Variants in ACVR1C observed in about 807,000 individuals in gnomAD.
ACVR1C encodes the protein activin receptor type-1C.
In ACVR1C, 23 loss-of-function variants were observed where a neutral mutation model predicts 57.9. That is an observed-to-expected ratio of 0.40 (90% CI 0.29 to 0.56). The LOEUF is 0.56. Among genes scored for constraint, ACVR1C ranks in the 20% least tolerant of loss-of-function variants. The pLI is 0.50. For missense variants in ACVR1C, 480 were observed against 607.9 expected (o/e 0.79, Z 2.21); for synonymous variants, 214 against 215.3 (o/e 0.99, Z 0.05).
At chr2:157,585,491 C>T (rs145988396) in intron 2 of ACVR1C, among the ~76,000 whole-genome samples, 5 of 152,206 alleles carry the variant, frequency 3.3e-5, no homozygotes, top group African/African-American at 4.8e-5. Flanking sequence ...GCATTAGGTA[C>T]GCTTGATTTG....
chr2:157,597,557 C>A, intron 1 of ACVR1C: 2 of 985,478 alleles, frequency 2.0e-6, no homozygotes, highest in South Asian at 9.4e-5. Context: ...GACGGCAGCG[C>A]AACCCCCAGG....
At chr2:157,588,562 G>C (rs1688981636) in intron 1 of ACVR1C, among the ~76,000 whole-genome samples, 1 of 151,538 alleles carries the variant, frequency 6.6e-6, no homozygotes, top group Non-Finnish European at 1.5e-5. Context: ...GTACTCAATA[G>C]ATAATTTTTC....
chr2:157,562,071 C>T (rs60984757), intron 2 of ACVR1C, among the ~76,000 whole-genome samples: 9,663 of 151,926 alleles, frequency 0.064, 460 homozygotes, highest in East Asian at 0.24. Flanking sequence ...CCGAGGTGGG[C>T]GGATCATGAG....
At chr2:157,587,710 G>A (rs1558988415) in intron 1 of ACVR1C, among the ~76,000 whole-genome samples, 1 of 152,052 alleles carries the variant, frequency 6.6e-6, no homozygotes, top group East Asian at 1.9e-4. Flanking sequence ...AGTTCAACCA[G>A]CTCATTCCTA....
At chr2:157,623,059 A>G (rs1682817948) in intron 1 of ACVR1C, among the ~76,000 whole-genome samples, 2 of 152,200 alleles carry the variant, frequency 1.3e-5, no homozygotes, top group Admixed American at 1.3e-4. Flanking sequence ...CTACAATGAT[A>G]TCATCTCACC....
intron 1 of ACVR1C, among the ~76,000 whole-genome samples, chr2:157,621,253 A>G (rs929610534): frequency 5.9e-5 from 9 of 152,136 alleles, no homozygotes; most frequent in South Asian, 2.1e-4. Flanking sequence ...ATTCTAGAGG[A>G]AAAAAAGTGA....
intron 3 of ACVR1C, among the ~76,000 whole-genome samples, chr2:157,552,385 G>A (rs575587543): frequency 3.9e-5 from 6 of 152,196 alleles, no homozygotes; most frequent in Non-Finnish European, 7.4e-5. Context: ...CACCTGCCTC[G>A]GCCTCCCAAA....
At chr2:157,544,064 G>A (rs1462876409) in intron 5 of ACVR1C, among the ~76,000 whole-genome samples, 3 of 144,174 alleles carry the variant, frequency 2.1e-5, no homozygotes, top group African/African-American at 5.1e-5. Flanking sequence ...TTTGAGACAG[G>A]GTCTCGTTCT....
intron 3 of ACVR1C, among the ~76,000 whole-genome samples, chr2:157,551,495 TTATAAA>T (rs779242700): frequency 2.9e-4 from 44 of 152,334 alleles, no homozygotes; most frequent in African/African-American, 9.6e-4. Flanking sequence ...CATTTTATTC[TTATAAA>T]TATAAGTGTA....
Position 157,555,101 on chromosome 2 carries a change from C to CTTTTTTT in ACVR1C, c.544+985_544+991dup, listed in dbSNP as rs60269781. 2.7e-4 allele frequency among the ~76,000 whole-genome samples: 23 copies of CTTTTTTT among 83,948 alleles called. 4 individuals carry two copies. Among genetic ancestry groups the CTTTTTTT allele is most frequent in the African/African-American group, 1.1e-3 (19 of 16,856 alleles). 55.1% of individuals were successfully genotyped at this position (83,948 alleles called of 152,430 possible). A position where few individuals can be genotyped will look rare whatever the true frequency, so the allele number is the denominator to read the frequency against. ...ATAATACAGCCTGGTACTTTGAACG[C>CTTTTTTT]TTTTTTTTTTTTTTTTTTTTTTTTT... On this transcript the variant is annotated intron_variant, in intron 3 of 8. Transcript: ENST00000243349.
chr2:157,597,615 C>T, intron 1 of ACVR1C: 1 of 972,872 alleles, frequency 1.0e-6, no homozygotes, highest in Non-Finnish European at 1.2e-6. Context: ...CATCTAGTGG[C>T]AGCAGAAGCA....
chr2:157,545,078 AT>A (rs1687718696), intron 4 of ACVR1C, among the ~76,000 whole-genome samples: 1 of 152,212 alleles, frequency 6.6e-6, no homozygotes, highest in Admixed American at 6.5e-5. Flanking sequence ...AAAAATGTTG[AT>A]GTTATTCACC....
At chr2:157,582,344 G>A (rs12992758) in intron 2 of ACVR1C, among the ~76,000 whole-genome samples, 69,949 of 151,772 alleles carry the variant, frequency 0.46, 17,506 homozygotes, top group African/African-American at 0.66. Context: ...TAAATGTTCC[G>A]TAGCATTTCT....
chr2:157,574,846 G>T (rs1688605377), intron 2 of ACVR1C, among the ~76,000 whole-genome samples: 1 of 152,194 alleles, frequency 6.6e-6, no homozygotes, highest in Admixed American at 6.5e-5. Context: ...CCTTGTTGCT[G>T]TCCTACAGTG....
chr2:157,545,773 T>A lies in ACVR1C; in HGVS notation c.776-1161A>T, dbSNP rs185628447. On this transcript the variant is annotated intron_variant, in intron 4 of 8. Transcript: ENST00000243349. ...CATATTATTATTACTATTATTTTAT[T>A]TTTATTTATTCATTTTTTTGAGACA... 2.7e-3 allele frequency among the ~76,000 whole-genome samples: 414 copies of A among 152,166 alleles called. 2 individuals are homozygous for A. Among genetic ancestry groups the A allele is most frequent in the Middle Eastern group, 6.8e-3 (2 of 294 alleles).
intron 3 of ACVR1C, among the ~76,000 whole-genome samples, chr2:157,553,651 G>A (rs574984857): frequency 6.6e-6 from 1 of 152,094 alleles, no homozygotes; most frequent in Non-Finnish European, 1.5e-5. Context: ...CAAAATGCAC[G>A]TTTTTATCTA....
rs1338866711 is a variant in ACVR1C, at chr2:157,583,652, C to T, written c.304+3535G>A. On this transcript the variant is annotated intron_variant, in intron 2 of 8. Coordinates refer to ENST00000243349, the MANE Select transcript of ACVR1C (RefSeq NM_145259.3). The stretch of plus-strand genomic sequence containing the variant: ...AACTACAATAATCAAAACAGTTTGA[C>T]GATAGTATAAGGCATATAGAACAAC... Among the ~76,000 whole-genome samples the T allele has an allele frequency of 2.0e-5, 3 of 152,064 alleles. No individual in the cohort carries two copies. The East Asian group carries it at 5.8e-4, about 29-fold the overall frequency.
At chr2:157,626,328 C>G (rs1189299679) in intron 1 of ACVR1C, among the ~76,000 whole-genome samples, 1 of 152,202 alleles carries the variant, frequency 6.6e-6, no homozygotes, top group African/African-American at 2.4e-5. Flanking sequence ...TCTCTACCAG[C>G]TGTTATCTTC....
chr2:157,621,590 A>G (rs1682772427), intron 1 of ACVR1C, among the ~76,000 whole-genome samples: 1 of 152,192 alleles, frequency 6.6e-6, no homozygotes, highest in Admixed American at 6.5e-5. Context: ...TCTTTTCCAC[A>G]GCAAGTGTGG....
Sources: gnomAD v4.1 joint callset for allele counts (sites outside exome capture counted in the v4.1 genomes callset) on GRCh38, gnomAD v4.1.1 for gene constraint, MANE v1.5 for transcripts, NCBI Gene and HGNC (gene_info 2026-07-23, HGNC 2026-07-21) for gene names.